SFSWAP: variants seen among roughly 807,000 people sequenced by gnomAD.
SFSWAP encodes the protein splicing factor SWAP.
SFSWAP carries 17 observed loss-of-function variants against 100.7 expected under a neutral mutation model. The observed-to-expected ratio is 0.17, with a 90% CI of 0.12 to 0.25. The LOEUF (loss-of-function observed/expected upper bound fraction) is 0.25, where lower values mean the gene tolerates loss of function less well. SFSWAP is among the 10% of genes least tolerant of loss of function. The pLI, the probability that SFSWAP is intolerant of heterozygous loss-of-function variation, is 1.00. For synonymous variants in SFSWAP, 504 were observed against 510.1 expected (o/e 0.99, Z 0.16); for missense variants, 1,005 against 1,262.6 (o/e 0.80, Z 3.09).
At chr12:131,767,247 G>A (rs562510395) in intron 13 of SFSWAP, among the ~76,000 whole-genome samples, 34 of 152,366 alleles carry the variant, frequency 2.2e-4, no homozygotes, top group South Asian at 4.1e-4. Context: ...CATGCCTTCC[G>A]CAGCAGCAGC....
In SFSWAP at chr12:131,753,347, A is replaced by G. The variant is rs1566028832; in HGVS notation, c.1306A>G (p.Thr436Ala). ...TAETSSGATS[T>A]TTTTSALAPV... The stretch of plus-strand genomic sequence containing the variant: ...AGAGACTAGCAGCGGGGCCACCTCC[A>G]CAACCACCACCACAAGGTAGGTGCA... The change falls in exon 8 of 18, where the codon ACA becomes GCA. Residue 436 changes from threonine to alanine, a missense_variant. Thr to Ala is a moderately conservative substitution (Grantham distance 58). Around this residue, in one of 7 missense-constraint regions of SFSWAP, gnomAD observed 311 missense variants for 317.8 expected, o/e 0.98. Coordinates refer to ENST00000261674, the MANE Select transcript of SFSWAP (RefSeq NM_004592.4). 1.9e-6 allele frequency: 3 copies of G among 1,613,156 alleles called. No homozygotes were observed. Among genetic ancestry groups the G allele is most frequent in the Non-Finnish European group, 2.5e-6 (3 of 1,179,300 alleles).
intron 11 of SFSWAP, among the ~76,000 whole-genome samples, chr12:131,763,136 G>A (rs1423578486): frequency 1.3e-5 from 2 of 152,178 alleles, no homozygotes; most frequent in African/African-American, 4.8e-5. Context: ...GCTATCACAT[G>A]CTTAACTGTC....
At chr12:131,793,731 G>T (rs1885436729) in intron 15 of SFSWAP, among the ~76,000 whole-genome samples, 1 of 152,086 alleles carries the variant, frequency 6.6e-6, no homozygotes, top group Non-Finnish European at 1.5e-5. Flanking sequence ...AAAAGACAAA[G>T]GACCCAATTA....
At position 131,711,139 on chromosome 12, in the gene SFSWAP, G is replaced by C; in HGVS notation, c.-91G>C. 1.3e-5 allele frequency: 14 copies of C among 1,046,812 alleles called. 1 individual carries two copies. Among genetic ancestry groups the C allele is most frequent in the Non-Finnish European group, 1.9e-5 (14 of 741,248 alleles). The allele number at this position is 1,046,812 out of a possible 1,614,324, so 64.8% of individuals were successfully genotyped here. ...GTGTTGAGGTTGGGTACGGGATGCGGGGTCTTTGACTGAAGGGGTAGGCCA... is the reference window on the plus strand; with the variant it reads ...GTGTTGAGGTTGGGTACGGGATGCGCGGTCTTTGACTGAAGGGGTAGGCCA... On this transcript the variant is annotated 5_prime_UTR_variant, in exon 1 of 18. Transcript: ENST00000261674. The surrounding 1 kb of genome is among the most constrained non-coding windows in gnomAD (Gnocchi z 4.9).
intron 7 of SFSWAP, among the ~76,000 whole-genome samples, chr12:131,744,814 G>A (rs1880964432): frequency 6.6e-6 from 1 of 152,200 alleles, no homozygotes; most frequent in Non-Finnish European, 1.5e-5. Flanking sequence ...CACATGGCTG[G>A]GGAGGCCTCA....
intron 13 of SFSWAP, among the ~76,000 whole-genome samples, chr12:131,774,903 G>A (rs1279626811): frequency 1.3e-5 from 2 of 152,110 alleles, no homozygotes; most frequent in Non-Finnish European, 1.5e-5. Flanking sequence ...ATTAATGACA[G>A]GCATTAGTTA....
At chr12:131,753,452 A>G in intron 8 of SFSWAP, 89 bp downstream of exon 8, 1 of 1,473,972 alleles carries the variant, frequency 6.8e-7, no homozygotes, top group African/African-American at 1.4e-5. Flanking sequence ...GGGGCTTGTA[A>G]TCTAGATCAT....
At chr12:131,797,417 A>G in intron 16 of SFSWAP, 57 bp downstream of exon 16, 1 of 1,460,132 alleles carries the variant, frequency 6.8e-7, no homozygotes, top group East Asian at 2.4e-5. Flanking sequence ...GGCCAGCAGG[A>G]CTCTCCCTCC....
intron 7 of SFSWAP, among the ~76,000 whole-genome samples, chr12:131,731,799 A>G (rs77904614): frequency 0.12 from 18,096 of 151,530 alleles, 1,830 homozygotes; most frequent in East Asian, 0.52. Context: ...AAAAAATACT[A>G]TGAGGCTCAG....
chr12:131,775,847 T>C (rs889719006), intron 13 of SFSWAP, among the ~76,000 whole-genome samples: 1 of 151,520 alleles, frequency 6.6e-6, no homozygotes, highest in Middle Eastern at 3.4e-3. Flanking sequence ...CTCAGCACTT[T>C]GGGATGCTGA....
chr12:131,731,374 A>G (rs992973526), intron 7 of SFSWAP, among the ~76,000 whole-genome samples: 1 of 152,086 alleles, frequency 6.6e-6, no homozygotes, highest in African/African-American at 2.4e-5. Flanking sequence ...TGCCTGCCTC[A>G]TGCTTCTGTG....
intron 7 of SFSWAP, among the ~76,000 whole-genome samples, chr12:131,739,629 T>C (rs1218815816): frequency 7.2e-6 from 1 of 138,166 alleles, no homozygotes; most frequent in Non-Finnish European, 1.5e-5. Context: ...CACTGCAAGC[T>C]CTGCCTCCTG....
Position 131,753,257 on chromosome 12 carries a change from C to T in SFSWAP, c.1216C>T (p.Pro406Ser). The T allele has an allele frequency of 3.7e-6, 6 of 1,614,116 alleles. No individual in the cohort carries two copies. Among genetic ancestry groups the T allele is most frequent in the Non-Finnish European group, 5.1e-6 (6 of 1,180,012 alleles). The change falls in exon 8 of 18, where the codon CCT (proline) becomes TCT (serine). Residue 406 changes from proline (P) to serine (S), a missense_variant. Around this residue, in one of 7 missense-constraint regions of SFSWAP, gnomAD observed 311 missense variants for 317.8 expected, o/e 0.98. Coordinates refer to ENST00000261674, the MANE Select transcript of SFSWAP (RefSeq NM_004592.4). The part of the protein sequence containing the change: ...LPAGVTVSNS[P>S]GVTTTAPPPP... ...TGCTGGCGTGACCGTGTCTAACTCC[C>T]CTGGAGTGACGACCACCGCCCCACC... is the stretch of plus-strand genomic sequence containing the variant.
intron 14 of SFSWAP, chr12:131,785,262 T>C: frequency 6.6e-7 from 1 of 1,504,868 alleles, no homozygotes; most frequent in Non-Finnish European, 8.8e-7. Flanking sequence ...TCATCTGTTC[T>C]GTAAATCTTA....
chr12:131,791,786 T>C (rs751772485), intron 15 of SFSWAP, among the ~76,000 whole-genome samples: 26 of 152,328 alleles, frequency 1.7e-4, no homozygotes, highest in Non-Finnish European at 3.7e-4. Context: ...TTTTAAAAAA[T>C]AGATGAAGGA....
chr12:131,738,383 A>G (rs1286722739), intron 7 of SFSWAP, among the ~76,000 whole-genome samples: 1 of 152,256 alleles, frequency 6.6e-6, no homozygotes, highest in African/African-American at 2.4e-5. Context: ...TCATCGTGCT[A>G]AATAAAAAGG....
At chr12:131,758,265 C>T (rs1039908727) in intron 11 of SFSWAP, among the ~76,000 whole-genome samples, 1 of 152,152 alleles carries the variant, frequency 6.6e-6, no homozygotes, top group African/African-American at 2.4e-5. Context: ...AGGCTGCTGC[C>T]AACCAGCGTG....
intron 7 of SFSWAP, 147 bp downstream of exon 7, chr12:131,728,575 G>C (rs1879210516): frequency 4.9e-6 from 4 of 816,876 alleles, no homozygotes; most frequent in Non-Finnish European, 3.7e-6. Context: ...TCCCAAGGGA[G>C]AGTGCCACGA....
At chr12:131,768,593 G>A (rs907926543) in intron 13 of SFSWAP, among the ~76,000 whole-genome samples, 2 of 152,172 alleles carry the variant, frequency 1.3e-5, no homozygotes, top group African/African-American at 4.8e-5. Flanking sequence ...GTGCCGCAGG[G>A]TGGGCTCCTG....
Sources: gnomAD v4.1 joint callset for allele counts (sites outside exome capture counted in the v4.1 genomes callset) on GRCh38, gnomAD v4.1.1 for gene constraint, gnomAD v4.1.1 regional missense constraint, Gnocchi (gnomAD v3.1) non-coding constraint, MANE v1.5 for transcripts, NCBI Gene and HGNC (gene_info 2026-07-23, HGNC 2026-07-21) for gene names.